GASK1B: variants seen among roughly 807,000 people sequenced by gnomAD.
GASK1B encodes Golgi-associated kinase 1B.
Under a neutral mutation model 42.8 loss-of-function variants are expected in GASK1B, and 34 were observed. The ratio of observed to expected loss-of-function variants is 0.79; its 90% CI spans 0.60 to 1.06. The LOEUF is 1.06. GASK1B is among the 50% of genes least tolerant of loss of function. GASK1B has a pLI of 0.00. For missense variants in GASK1B, 686 were observed against 661.0 expected (o/e 1.04, Z -0.42); for synonymous variants, 262 against 259.1 (o/e 1.01, Z -0.11).
At chr4:158,131,839 T>C (rs1730695251) in intron 3 of GASK1B, among the ~76,000 whole-genome samples, 1 of 152,106 alleles carries the variant, frequency 6.6e-6, no homozygotes, top group Non-Finnish European at 1.5e-5. Context: ...TCACCGACTC[T>C]CAATGTAAAC....
chr4:158,133,224 A>G (rs1730750554), intron 3 of GASK1B, among the ~76,000 whole-genome samples: 1 of 152,192 alleles, frequency 6.6e-6, no homozygotes, highest in Non-Finnish European at 1.5e-5. Context: ...ATACACATTA[A>G]CTAATGATTC....
intron 4 of GASK1B, among the ~76,000 whole-genome samples, chr4:158,130,220 G>A (rs1730624726): frequency 6.6e-6 from 1 of 152,066 alleles, no homozygotes; most frequent in Non-Finnish European, 1.5e-5. Context: ...CTTAATCTAT[G>A]TCTCCTTGAA....
At chr4:158,170,263 C>T in intron 2 of GASK1B, 6 of 1,614,198 alleles carry the variant, frequency 3.7e-6, no homozygotes, top group Non-Finnish European at 5.1e-6. Context: ...ATGTCCAATA[C>T]AGCATTTCCC....
Position 158,130,851 on chromosome 4 carries a change from G to A in GASK1B, c.1287C>T (p.Asp429=), listed in dbSNP as rs1490840171. Residue 429 remains aspartate, a synonymous_variant, in exon 4 of 5, where the codon GAC becomes GAT. Transcript: ENST00000585682. ...KHDPRHLVFI[D]NKGFFDRSED... Reference sequence around the variant, plus strand: ...CACTCCTGTCAAAGAAACCCTTGTTGTCTATAAAAACCAAATGCCTTGGGT... The same window carrying A: ...CACTCCTGTCAAAGAAACCCTTGTTATCTATAAAAACCAAATGCCTTGGGT... 1.9e-6 allele frequency: 3 copies of A among 1,613,956 alleles called. No homozygotes were observed. Among genetic ancestry groups the A allele is most frequent in the Non-Finnish European group, 2.5e-6 (3 of 1,179,948 alleles).
In GASK1B at chr4:158,170,285, T is replaced by C. The variant is rs764783404; in HGVS notation, c.910+181A>G. 6.2e-7 allele frequency: 1 copy of C among 1,614,220 alleles called. No individual in the cohort carries two copies. The highest frequency in any genetic ancestry group is 2.2e-5 in the East Asian group (1 of 44,882). On this transcript the variant is annotated intron_variant, in intron 2 of 4. Transcript: ENST00000585682. ...ATACAGCATTTCCCTGGAACTCTCA[T>C]ATCCTCCCAGGCTGGGAAAATAAAG...
chr4:158,150,165 T>C (rs1731500519), intron 3 of GASK1B, among the ~76,000 whole-genome samples: 1 of 152,022 alleles, frequency 6.6e-6, no homozygotes, highest in Non-Finnish European at 1.5e-5. Flanking sequence ...GACCTCGTGA[T>C]CTGCCCGCCT....
Position 158,156,201 on chromosome 4 carries a change from A to G in GASK1B, c.911-376T>C, listed in dbSNP as rs559901581. On this transcript the variant is annotated intron_variant, in intron 2 of 4. Coordinates refer to ENST00000585682, the MANE Select transcript of GASK1B (RefSeq NM_001128424.2). ...TCTAGACATTTATAATTGTCTATTC[A>G]ATGTCTGAGTGGAGCTGCTCTTTAT... Among the ~76,000 whole-genome samples, 6 of 152,302 alleles carry G rather than the reference A, an allele frequency of 3.9e-5. No individual in the cohort carries two copies. In the East Asian group the frequency reaches 1.2e-3, roughly 29 times the overall value.
chr4:158,155,948 C>T, intron 2 of GASK1B, 123 bp from the exon 3 acceptor site: 1 of 729,530 alleles, frequency 1.4e-6, no homozygotes, highest in African/African-American at 1.8e-5. Context: ...TTTAATCTGA[C>T]AATATTTTAT....
chr4:158,161,762 C>T (rs963702681), intron 2 of GASK1B, among the ~76,000 whole-genome samples: 5 of 152,192 alleles, frequency 3.3e-5, no homozygotes, highest in African/African-American at 9.6e-5. Flanking sequence ...TTGGTCACAT[C>T]AGGGTGACTC....
At chr4:158,137,757 G>A (rs1399854545) in intron 3 of GASK1B, among the ~76,000 whole-genome samples, 2 of 151,768 alleles carry the variant, frequency 1.3e-5, no homozygotes, top group African/African-American at 2.4e-5. Context: ...TATCACCTGC[G>A]AACTCTCACC....
At chr4:158,162,558 T>C (rs2111009139) in intron 2 of GASK1B, among the ~76,000 whole-genome samples, 1 of 152,292 alleles carries the variant, frequency 6.6e-6, no homozygotes, top group East Asian at 1.9e-4. Flanking sequence ...TTGGGAAGGA[T>C]TAGAGAAACA....
Position 158,125,915 on chromosome 4 carries a change from A to G in GASK1B, c.*1492T>C, listed in dbSNP as rs1164569143. ...TCTATAGATTTTTTTTTTCAAATCTAGCCTCTATTGTAACGTTGTTAGTAG... is the reference window on the plus strand; with the variant it reads ...TCTATAGATTTTTTTTTTCAAATCTGGCCTCTATTGTAACGTTGTTAGTAG... On this transcript the variant is annotated 3_prime_UTR_variant, in exon 5 of 5. Transcript: ENST00000585682. The G allele has an allele frequency of 1.3e-5, 2 of 151,958 alleles. No individual in the cohort carries two copies. Among genetic ancestry groups the G allele is most frequent in the Non-Finnish European group, 2.9e-5 (2 of 67,968 alleles). The allele number at this position is 151,958 out of a possible 1,614,324, so 9.4% of individuals were successfully genotyped here.
chr4:158,135,369 T>C (rs917940114), intron 3 of GASK1B, among the ~76,000 whole-genome samples: 7 of 149,166 alleles, frequency 4.7e-5, no homozygotes, highest in African/African-American at 1.7e-4. Flanking sequence ...TTTATTTATA[T>C]ATATAAAATG....
intron 3 of GASK1B, among the ~76,000 whole-genome samples, chr4:158,148,218 T>G (rs1419168877): frequency 6.6e-6 from 1 of 152,094 alleles, no homozygotes; most frequent in Non-Finnish European, 1.5e-5. Flanking sequence ...TGTCTCTATT[T>G]TAAAAAAGGG....
At chr4:158,169,252 T>C (rs972627719) in intron 2 of GASK1B, 1 of 152,218 alleles carries the variant, frequency 6.6e-6, no homozygotes, top group South Asian at 2.1e-4. Context: ...ATTAAATGTT[T>C]GAGAAGGTTT....
chr4:158,156,953 T>A (rs1469358562), intron 2 of GASK1B, among the ~76,000 whole-genome samples: 1 of 152,146 alleles, frequency 6.6e-6, no homozygotes, highest in African/African-American at 2.4e-5. Flanking sequence ...TATTAGAAAC[T>A]TACATGTTCT....
Position 158,127,207 on chromosome 4 carries a change from A to C in GASK1B, c.*200T>G. ...AGAAAAATATAAACAAATATTTCTC[A>C]AGTAGTTTGTTTTTCAAAACCTTTT... On this transcript the variant is annotated 3_prime_UTR_variant, in exon 5 of 5. Transcript: ENST00000585682. The C allele has an allele frequency of 2.4e-6, 1 of 424,190 alleles. No homozygotes were observed. Among genetic ancestry groups the C allele is most frequent in the Non-Finnish European group, 4.2e-6 (1 of 239,312 alleles). The allele number at this position is 424,190 out of a possible 1,614,324, so 26.3% of individuals were successfully genotyped here. A position where few individuals can be genotyped will look rare whatever the true frequency, so the allele number is the denominator to read the frequency against.
intron 3 of GASK1B, among the ~76,000 whole-genome samples, chr4:158,145,847 T>C (rs964769685): frequency 6.6e-6 from 1 of 152,308 alleles, no homozygotes; most frequent in Non-Finnish European, 1.5e-5. Context: ...CAGCCTTTTT[T>C]TGACAGTAGA....
At chr4:158,139,900 TAC>T (rs1263063115) in intron 3 of GASK1B, among the ~76,000 whole-genome samples, 1 of 152,226 alleles carries the variant, frequency 6.6e-6, no homozygotes, top group African/African-American at 2.4e-5. Flanking sequence ...CGATGTGCTT[TAC>T]ACATTCTCAT....
Sources: allele counts gnomAD v4.1 joint callset (sites outside exome capture counted in the v4.1 genomes callset), GRCh38; gene constraint gnomAD v4.1.1; transcripts MANE v1.5; gene names NCBI Gene and HGNC (gene_info 2026-07-23, HGNC 2026-07-21).